SEC14L3: variants seen among roughly 807,000 people sequenced by gnomAD.
The protein encoded by SEC14L3 is SEC14-like protein 3.
In SEC14L3, 56 loss-of-function variants were observed where a neutral mutation model predicts 57.4. The ratio of observed to expected loss-of-function variants is 0.97; its 90% confidence interval spans 0.79 to 1.22. The LOEUF is 1.22. Ranked by LOEUF, SEC14L3 falls within the 50% of genes most tolerant of loss-of-function variation. SEC14L3 has a pLI of 0.00. For missense variants in SEC14L3, 485 were observed against 511.7 expected (o/e 0.95, Z 0.50); for synonymous variants, 173 against 194.4 (o/e 0.89, Z 0.92).
At chr22:30,448,352 T>G (rs1934917564) in exon 13 of SEC14L3, 1 of 152,120 alleles carries the variant, frequency 6.6e-6, no homozygotes, top group African/African-American at 2.4e-5. Context: ...CCCTTGACCG[T>G]CACAGTGCAT....
At chr22:30,469,492 C>T (rs4820857) in intron 4 of SEC14L3, among the ~76,000 whole-genome samples, 106,658 of 151,584 alleles carry the variant, frequency 0.7, 38,493 homozygotes, top group African/African-American at 0.86. Flanking sequence ...TGCCCAGATC[C>T]GGGTACATGC....
At chr22:30,454,787 T>A (rs868790592), downstream of SEC14L3, among the ~76,000 whole-genome samples, 21 of 71,938 alleles carry the variant, frequency 2.9e-4, 1 homozygote, top group African/African-American at 1.4e-3. Flanking sequence ...TATTATATAT[T>A]ATATATTATT....
chr22:30,467,028 A>G lies in SEC14L3; in HGVS notation c.473T>C (p.Leu158Pro). 1 of 1,614,042 alleles carries G rather than the reference A, an allele frequency of 6.2e-7. No individual in the cohort carries two copies. The highest frequency in any genetic ancestry group is 8.5e-7 in the Non-Finnish European group (1 of 1,179,978). The part of the protein sequence containing the change: ...TIVMIFDCEG[L>P]GLKHFWKPLV... ...AGGTTTCCAGAAGTGTTTCAGTCCC[A>G]GGCCCTCACAGTCAAATATCATCAC... The change falls in exon 6 of 12, where the codon CTG becomes CCG. Residue 158 changes from leucine (L) to proline (P), a missense_variant. By Grantham distance (98) the Leu-to-Pro change is moderately conservative (BLOSUM62 -3). Transcript: ENST00000215812.
At chr22:30,462,368 T>C in intron 8 of SEC14L3, 176 bp from the exon 9 acceptor site, 2 of 560,634 alleles carry the variant, frequency 3.6e-6, no homozygotes, top group Non-Finnish European at 4.5e-6. Context: ...CAGCATTGTG[T>C]TGCTGTGGAA....
exon 13 of SEC14L3, chr22:30,448,297 C>T (rs1449155690): frequency 2.0e-5 from 3 of 152,272 alleles, no homozygotes; most frequent in African/African-American, 7.2e-5. Flanking sequence ...CTCCTTCCCC[C>T]AATGAGATCT....
chr22:30,464,485 C>T (rs1935354858), intron 8 of SEC14L3, among the ~76,000 whole-genome samples: 1 of 152,192 alleles, frequency 6.6e-6, no homozygotes, highest in Non-Finnish European at 1.5e-5. Flanking sequence ...GGCTGGAGTG[C>T]AGTGGTGTGA....
downstream of SEC14L3, among the ~76,000 whole-genome samples, chr22:30,458,560 A>C (rs5994309): frequency 0.42 from 63,231 of 152,014 alleles, 14,852 homozygotes; most frequent in African/African-American, 0.62. Context: ...TACTATATTA[A>C]ATTTTTTTGA....
downstream of SEC14L3, among the ~76,000 whole-genome samples, chr22:30,458,767 T>C (rs1214692487): frequency 2.0e-5 from 3 of 152,012 alleles, no homozygotes; most frequent in Non-Finnish European, 4.4e-5. Context: ...TCCCAGCACT[T>C]TGGGAGGCTG....
chr22:30,449,543 T>TTTTTC (rs71814315), intron 12 of SEC14L3, among the ~76,000 whole-genome samples: 175 of 137,748 alleles, frequency 1.3e-3, no homozygotes, highest in African/African-American at 3.3e-3. Flanking sequence ...TGTCCGTTCT[T>TTTTTC]TTTTCTTTTC....
chr22:30,461,518 C>A, intron 10 of SEC14L3, 37 bp downstream of exon 10: 1 of 1,613,652 alleles, frequency 6.2e-7, no homozygotes, highest in Non-Finnish European at 8.5e-7. Flanking sequence ...TGCTGCTCAG[C>A]CTGATGGGTC....
chr22:30,466,290 T>A (rs367872981), intron 7 of SEC14L3, 44 bp downstream of exon 7: 2 of 1,567,772 alleles, frequency 1.3e-6, no homozygotes. Context: ...AGCGTACAGA[T>A]GAGGAAACAG....
At chr22:30,468,436 T>A in intron 5 of SEC14L3, 72 bp downstream of exon 5, 1 of 1,132,056 alleles carries the variant, frequency 8.8e-7, no homozygotes, top group African/African-American at 1.5e-5. Context: ...AACACAGGTG[T>A]GTTTCTGAGA....
chr22:30,460,203 C>A (rs1935209659), intron 11 of SEC14L3, 61 bp from the exon 12 acceptor site: 1 of 1,588,386 alleles, frequency 6.3e-7, no homozygotes, highest in South Asian at 1.1e-5. Context: ...TTTTCCACCC[C>A]TGGCCATGGA....
chr22:30,463,367 C>T (rs766032860), intron 8 of SEC14L3, among the ~76,000 whole-genome samples: 3 of 152,186 alleles, frequency 2.0e-5, no homozygotes, highest in Non-Finnish European at 4.4e-5. Context: ...TCACTTTGGC[C>T]ATGGGAGGTT....
downstream of SEC14L3, among the ~76,000 whole-genome samples, chr22:30,456,531 G>A (rs1185503530): frequency 2.0e-5 from 3 of 151,986 alleles, no homozygotes; most frequent in Non-Finnish European, 4.4e-5. Flanking sequence ...AAGAAGAGGG[G>A]AGGGGTGCCA....
At chr22:30,456,643 T>G (rs1601812073), downstream of SEC14L3, among the ~76,000 whole-genome samples, 1 of 152,172 alleles carries the variant, frequency 6.6e-6, no homozygotes, top group African/African-American at 2.4e-5. Context: ...CACCTCCCAC[T>G]AGGCCCCACC....
At chr22:30,470,644 A>C in intron 1 of SEC14L3, 62 bp from the exon 2 acceptor site, 1 of 1,610,690 alleles carries the variant, frequency 6.2e-7, no homozygotes, top group Non-Finnish European at 8.5e-7. Flanking sequence ...TCCAGACTCA[A>C]AGACTGTTTT....
Position 30,462,173 on chromosome 22 carries a change from C to A in SEC14L3, c.684G>T (p.Leu228Phe). The change falls in exon 9 of 12, where the codon TTG becomes TTT. Residue 228 changes from leucine (L) to phenylalanine (F), a missense_variant. Leu to Phe is a conservative substitution (Grantham distance 22, BLOSUM62 0). Transcript: ENST00000215812. The stretch of plus-strand genomic sequence containing the variant: ...GTTCCTCAGGACTGATGAGTTTCAG[C>A]AAACCTTCCTTCCAGTTATCTGGGA... ...IVLGNNWKEGLLKLISPEELP... is the reference protein window; with the variant it reads ...IVLGNNWKEGFLKLISPEELP... 5 of 1,613,632 alleles carry A rather than the reference C, an allele frequency of 3.1e-6. No individual in the cohort carries two copies. Among genetic ancestry groups the A allele is most frequent in the Non-Finnish European group, 4.2e-6 (5 of 1,179,776 alleles).
chr22:30,454,115 G>A (rs1017351332), intron 12 of SEC14L3, among the ~76,000 whole-genome samples: 4 of 152,012 alleles, frequency 2.6e-5, no homozygotes, highest in African/African-American at 7.3e-5. Flanking sequence ...AACCTGCCCC[G>A]CACCTCTGGG....
Sources: gnomAD v4.1 joint callset for allele counts (sites outside exome capture counted in the v4.1 genomes callset) on GRCh38, gnomAD v4.1.1 for gene constraint, MANE v1.5 for transcripts, NCBI Gene and HGNC (gene_info 2026-07-23, HGNC 2026-07-21) for gene names.